The following MAMDC2 variants were observed in gnomAD, a reference collection of about 807,000 sequenced individuals.
MAMDC2 encodes MAM domain containing 2.
A neutral mutation model predicts 89.8 loss-of-function variants in MAMDC2; 57 were observed. The ratio of observed to expected loss-of-function variants is 0.63; its 90% CI spans 0.51 to 0.79. The LOEUF (loss-of-function observed/expected upper bound fraction) is 0.79, where lower values mean the gene tolerates loss of function less well. Ranked by LOEUF, MAMDC2 falls within the 30% of genes least tolerant of loss-of-function variation. The probability of loss-of-function intolerance (pLI) is 0.00; values close to 1 mark genes in which losing one functional copy is unlikely to be tolerated. For synonymous variants in MAMDC2, 313 were observed against 293.4 expected, an observed-to-expected ratio of 1.07 and a Z score of -0.68; for missense variants, 800 against 820.6, an observed-to-expected ratio of 0.97 and a Z score of 0.31.
At chr9:70,067,598 A>C (rs1827297916) in intron 2 of MAMDC2, among the ~76,000 whole-genome samples, 1 of 152,226 alleles carries the variant, frequency 6.6e-6, no homozygotes, top group East Asian at 1.9e-4. Flanking sequence ...AATTGATTCC[A>C]AGCTCTTTCA....
At chr9:70,156,625 G>C (rs981563929) in intron 9 of MAMDC2, among the ~76,000 whole-genome samples, 9 of 152,198 alleles carry the variant, frequency 5.9e-5, no homozygotes, top group East Asian at 3.8e-4. Context: ...TTATAGAGCA[G>C]ATTAAGGTGG....
At chr9:70,058,387 C>T (rs954219800) in intron 2 of MAMDC2, among the ~76,000 whole-genome samples, 1 of 152,172 alleles carries the variant, frequency 6.6e-6, no homozygotes, top group Non-Finnish European at 1.5e-5. Context: ...CTGTTTACAT[C>T]CTCTCTTGAC....
chr9:70,215,481 C>A (rs1320228610), intron 11 of MAMDC2, among the ~76,000 whole-genome samples: 1 of 152,158 alleles, frequency 6.6e-6, no homozygotes, highest in Non-Finnish European at 1.5e-5. Flanking sequence ...ATGTAACATA[C>A]CAGATCAAAG....
At chr9:70,173,944 C>T (rs970157847) in intron 11 of MAMDC2, among the ~76,000 whole-genome samples, 2 of 152,182 alleles carry the variant, frequency 1.3e-5, no homozygotes, top group Admixed American at 1.3e-4. Flanking sequence ...ATCATAACCA[C>T]TTACCTATTT....
rs142040781 is a variant in MAMDC2 at position 70,101,593 on chromosome 9, G to A, written c.149-6618G>A. ...TTTAGATACACAAGTACTTATCATT[G>A]TGTTTCAATTGCCTACAGTATTCAG... On this transcript the variant is annotated intron_variant, in intron 2 of 13. Coordinates refer to ENST00000377182, the MANE Select transcript of MAMDC2 (RefSeq NM_153267.5). 3.4e-4 allele frequency among the ~76,000 whole-genome samples: 51 copies of A among 152,228 alleles called. No individual in the cohort carries two copies. The East Asian group carries it at 8.5e-3, about 25-fold the overall frequency.
intron 11 of MAMDC2, among the ~76,000 whole-genome samples, chr9:70,182,585 A>C (rs1037961277): frequency 6.6e-5 from 10 of 152,108 alleles, no homozygotes; most frequent in African/African-American, 1.9e-4. Flanking sequence ...TAGTCTTGGG[A>C]GGGTGTATGT....
chr9:70,105,141 A>G (rs1306119322), intron 2 of MAMDC2, among the ~76,000 whole-genome samples: 1 of 152,150 alleles, frequency 6.6e-6, no homozygotes, highest in Non-Finnish European at 1.5e-5. Context: ...TGACATTAAT[A>G]TCTTCCTCAT....
chr9:70,183,143 T>C, intron 11 of MAMDC2, among the ~76,000 whole-genome samples: 1 of 152,172 alleles, frequency 6.6e-6, no homozygotes, highest in East Asian at 1.9e-4. Context: ...TCAGTTTCCA[T>C]GTAGTTGTGC....
intron 8 of MAMDC2, among the ~76,000 whole-genome samples, chr9:70,142,325 G>A (rs768344902): frequency 6.6e-6 from 1 of 152,166 alleles, no homozygotes; most frequent in Non-Finnish European, 1.5e-5. Context: ...GAGGAATGGT[G>A]ACGAGGAGAA....
At chr9:70,132,021 A>G (rs940009342) in intron 7 of MAMDC2, among the ~76,000 whole-genome samples, 4 of 152,220 alleles carry the variant, frequency 2.6e-5, no homozygotes, top group African/African-American at 9.6e-5. Flanking sequence ...TTCCAACTGT[A>G]TGTATCCAAA....
chr9:70,208,123 T>C (rs1206824700), intron 11 of MAMDC2, among the ~76,000 whole-genome samples: 1 of 152,238 alleles, frequency 6.6e-6, no homozygotes, highest in African/African-American at 2.4e-5. Flanking sequence ...GGGCTCTTTT[T>C]TGATTCCACA....
intron 8 of MAMDC2, among the ~76,000 whole-genome samples, chr9:70,141,212 T>C (rs1436632203): frequency 6.6e-6 from 1 of 152,164 alleles, no homozygotes; most frequent in Non-Finnish European, 1.5e-5. Flanking sequence ...ATAAAGGCCC[T>C]ACCAAATCTA....
At chr9:70,224,725 A>G (rs2033617809) in intron 12 of MAMDC2, among the ~76,000 whole-genome samples, 1 of 152,182 alleles carries the variant, frequency 6.6e-6, no homozygotes, top group Admixed American at 6.5e-5. Flanking sequence ...CCTCACATAC[A>G]TACTGAGAAA....
intron 8 of MAMDC2, among the ~76,000 whole-genome samples, chr9:70,140,526 T>C (rs2031177072): frequency 6.6e-6 from 1 of 152,210 alleles, no homozygotes; most frequent in African/African-American, 2.4e-5. Context: ...ATTTTGGAAC[T>C]CACTTTAGAT....
At chr9:70,082,503 C>T (rs999679597) in intron 2 of MAMDC2, 1 of 152,104 alleles carries the variant, frequency 6.6e-6, no homozygotes, top group African/African-American at 2.4e-5. Flanking sequence ...AAAGGATGGT[C>T]TTTCATTTAA....
rs150076092 is a variant in MAMDC2 at position 70,085,383 on chromosome 9, G to T, written c.149-22828G>T. Among the ~76,000 whole-genome samples, 265 of 152,138 alleles carry T rather than the reference G, an allele frequency of 1.7e-3. 2 individuals carry two copies. Among genetic ancestry groups the T allele is most frequent in the African/African-American group, 6.1e-3 (254 of 41,544 alleles). Reference sequence around the variant, plus strand: ...GGGAAGTCTGGAGCTTAGAAGATTAGATTCTTTACTTCTTAGGGTCTTAGT... The same window carrying T: ...GGGAAGTCTGGAGCTTAGAAGATTATATTCTTTACTTCTTAGGGTCTTAGT... On this transcript the variant is annotated intron_variant, in intron 2 of 13. Coordinates refer to ENST00000377182, the MANE Select transcript of MAMDC2 (RefSeq NM_153267.5).
chr9:70,179,372 A>G (rs573775100), intron 11 of MAMDC2, among the ~76,000 whole-genome samples: 45 of 126,572 alleles, frequency 3.6e-4, no homozygotes, highest in African/African-American at 1.3e-3. Context: ...CACACACACA[A>G]AATTAGCTGG....
chr9:70,182,765 C>T (rs7860729), intron 11 of MAMDC2, among the ~76,000 whole-genome samples: 119,816 of 152,018 alleles, frequency 0.79, 47,338 homozygotes, highest in Admixed American at 0.83. Context: ...TTAGTCTGAG[C>T]GGTCTATCTA....
intron 6 of MAMDC2, among the ~76,000 whole-genome samples, chr9:70,131,227 A>G (rs906486770): frequency 6.6e-6 from 1 of 152,090 alleles, no homozygotes; most frequent in Non-Finnish European, 1.5e-5. Context: ...TCACCTCCCA[A>G]AAAGCCCCAC....
Sources: gnomAD v4.1 joint callset for allele counts (sites outside exome capture counted in the v4.1 genomes callset) on GRCh38, gnomAD v4.1.1 for gene constraint, MANE v1.5 for transcripts, NCBI Gene and HGNC (gene_info 2026-07-23, HGNC 2026-07-21) for gene names.